Variants in XKR9 observed in about 807,000 individuals in gnomAD.
XKR9 encodes XK related 9.
Under a neutral mutation model 32.0 loss-of-function variants are expected in XKR9, and 32 were observed. That is an observed-to-expected ratio of 1.00 (90% CI 0.76 to 1.34). The LOEUF (loss-of-function observed/expected upper bound fraction) is 1.34, where lower values mean the gene tolerates loss of function less well. Ranked by LOEUF, XKR9 falls within the 40% of genes most tolerant of loss-of-function variation. XKR9 has a pLI of 0.00. For missense variants in XKR9, 546 were observed against 429.7 expected, an observed-to-expected ratio of 1.27 and a Z score of -2.39; for synonymous variants, 168 against 143.4, an observed-to-expected ratio of 1.17 and a Z score of -1.22.
the XKR9 span, among the ~76,000 whole-genome samples, chr8:70,839,060 T>C: frequency 6.6e-6 from 1 of 152,134 alleles, no homozygotes; most frequent in African/African-American, 2.4e-5. Flanking sequence ...ACTGGTCTAT[T>C]CTGAGAGATG....
the XKR9 span, among the ~76,000 whole-genome samples, chr8:70,878,994 A>G: frequency 2.6e-5 from 4 of 152,352 alleles, no homozygotes; most frequent in East Asian, 7.7e-4. Context: ...ACTCAGGATT[A>G]AGAAACTCAC....
intron 4 of XKR9, among the ~76,000 whole-genome samples, chr8:70,713,535 A>T (rs1029657117): frequency 2.6e-5 from 4 of 152,134 alleles, no homozygotes; most frequent in Non-Finnish European, 4.4e-5. Flanking sequence ...ACAAAACAGA[A>T]ATGTTCTGAG....
the XKR9 span, among the ~76,000 whole-genome samples, chr8:71,003,229 G>A: frequency 6.6e-6 from 1 of 152,148 alleles, no homozygotes; most frequent in Non-Finnish European, 1.5e-5. Context: ...GAAAGTCATT[G>A]GCCTGAGACT....
chr8:70,757,751 T>A (rs558420581), intron 2 of XKR9, among the ~76,000 whole-genome samples: 19 of 152,264 alleles, frequency 1.2e-4, no homozygotes, highest in Admixed American at 3.3e-4. Context: ...CATGCCTGGC[T>A]AATTTTTGTA....
At chr8:70,687,403 C>T (rs1819336962) in intron 3 of XKR9, among the ~76,000 whole-genome samples, 2 of 149,544 alleles carry the variant, frequency 1.3e-5, no homozygotes, top group African/African-American at 5.0e-5. Flanking sequence ...CTTTCTCTCT[C>T]TCTCTCTCCT....
At chr8:70,827,076 G>A in the XKR9 span, among the ~76,000 whole-genome samples, 990 of 152,192 alleles carry the variant, frequency 6.5e-3, 11 homozygotes, top group African/African-American at 0.022. Context: ...AATGGACTGT[G>A]TTCTGGTTTT....
At chr8:70,948,467 C>A in the XKR9 span, among the ~76,000 whole-genome samples, 1 of 152,062 alleles carries the variant, frequency 6.6e-6, no homozygotes, top group African/African-American at 2.4e-5. Flanking sequence ...AATCAATAGA[C>A]CCACTGTTGG....
chr8:70,833,301 A>G, the XKR9 span, among the ~76,000 whole-genome samples: 2 of 152,188 alleles, frequency 1.3e-5, no homozygotes, highest in East Asian at 3.8e-4. Flanking sequence ...ATTCAGATGA[A>G]TGAACAAATA....
At chr8:70,902,473 G>A in the XKR9 span, among the ~76,000 whole-genome samples, 1 of 152,110 alleles carries the variant, frequency 6.6e-6, no homozygotes, top group Non-Finnish European at 1.5e-5. Context: ...TTGGTGTATA[G>A]GAATGCTTGT....
chr8:70,928,760 T>C, the XKR9 span, among the ~76,000 whole-genome samples: 1 of 152,298 alleles, frequency 6.6e-6, no homozygotes, highest in Non-Finnish European at 1.5e-5. Flanking sequence ...CAGCTTGTTC[T>C]CATCTCCCAG....
At chr8:70,730,737 G>T (rs1806636580) in intron 4 of XKR9, among the ~76,000 whole-genome samples, 2 of 152,112 alleles carry the variant, frequency 1.3e-5, no homozygotes, top group South Asian at 4.1e-4. Context: ...CGGAAGCCAA[G>T]AATTGAATCT....
chr8:71,056,605 C>CCTAATGCCTGCTAGAATCAGT, the XKR9 span, among the ~76,000 whole-genome samples: 2 of 152,056 alleles, frequency 1.3e-5, no homozygotes, highest in Non-Finnish European at 2.9e-5. Flanking sequence ...GTTTTCTCAC[C>CCTAATGCCTGCTAGAATCAGT]CTAATGCCTG....
At chr8:70,830,120 T>C in the XKR9 span, among the ~76,000 whole-genome samples, 2 of 152,202 alleles carry the variant, frequency 1.3e-5, no homozygotes, top group Non-Finnish European at 2.9e-5. Context: ...TAAAAGCATA[T>C]GTAGTTAAAT....
the XKR9 span, among the ~76,000 whole-genome samples, chr8:70,881,250 A>G: frequency 5.3e-5 from 8 of 152,218 alleles, no homozygotes; most frequent in Non-Finnish European, 4.4e-5. Flanking sequence ...AATGTCAACA[A>G]AAGCCAAAAT....
the XKR9 span, among the ~76,000 whole-genome samples, chr8:70,877,094 C>T: frequency 6.6e-6 from 1 of 152,094 alleles, no homozygotes; most frequent in Non-Finnish European, 1.5e-5. Context: ...AACTTACAAT[C>T]ATGGCAGAAG....
intron 3 of XKR9, among the ~76,000 whole-genome samples, chr8:70,691,225 G>C (rs1362697253): frequency 6.6e-6 from 1 of 152,128 alleles, no homozygotes; most frequent in Non-Finnish European, 1.5e-5. Flanking sequence ...AGAGGGGTCT[G>C]TTCATGTCCT....
At chr8:70,939,273 A>G in the XKR9 span, among the ~76,000 whole-genome samples, 1 of 152,024 alleles carries the variant, frequency 6.6e-6, no homozygotes, top group East Asian at 1.9e-4. Context: ...TTGGTCAGGT[A>G]TTTTTCGGCA....
chr8:70,788,277 G>T (rs1051668259), intron 2 of XKR9, among the ~76,000 whole-genome samples: 1 of 152,050 alleles, frequency 6.6e-6, no homozygotes, highest in African/African-American at 2.4e-5. Context: ...TTAAGTGTTA[G>T]TTGTTAGCTC....
chr8:70,894,314 A>G, the XKR9 span, among the ~76,000 whole-genome samples: 1 of 152,030 alleles, frequency 6.6e-6, no homozygotes, highest in Non-Finnish European at 1.5e-5. Flanking sequence ...GGCAGACAAC[A>G]ACATGCTAAT....
Sources: gnomAD v4.1 joint callset for allele counts (sites outside exome capture counted in the v4.1 genomes callset) on GRCh38, gnomAD v4.1.1 for gene constraint, MANE v1.5 for transcripts, NCBI Gene and HGNC (gene_info 2026-07-23, HGNC 2026-07-21) for gene names.